The following ARMC2 variants were observed in gnomAD, a reference collection of about 807,000 sequenced individuals.
ARMC2 encodes the protein armadillo repeat containing 2.
In ARMC2, 67 loss-of-function variants were observed where a neutral mutation model predicts 90.3. The ratio of observed to expected loss-of-function variants is 0.74; its 90% CI spans 0.61 to 0.91. ARMC2 has a LOEUF of 0.91. Ranked by LOEUF, ARMC2 falls within the 40% of genes least tolerant of loss-of-function variation. The pLI is 0.00. For missense variants in ARMC2, 920 were observed against 1,030.9 expected, an observed-to-expected ratio of 0.89 and a Z score of 1.47; for synonymous variants, 393 against 393.0, an observed-to-expected ratio of 1.00 and a Z score of 0.00.
intron 12 of ARMC2, among the ~76,000 whole-genome samples, chr6:108,949,524 A>G (rs1022414312): frequency 2.0e-5 from 3 of 152,240 alleles, no homozygotes; most frequent in Admixed American, 2.0e-4. Flanking sequence ...ATCAAAGTTC[A>G]CACAAAAATT....
chr6:109,005,418 T>G, the ARMC2 span, among the ~76,000 whole-genome samples: 14,948 of 152,162 alleles, frequency 0.098, 897 homozygotes, highest in Middle Eastern at 0.19. Context: ...TACATTAGCA[T>G]CATGAAAGGT....
At chr6:109,002,475 AT>A in the ARMC2 span, 19 of 659,402 alleles carry the variant, frequency 2.9e-5, no homozygotes, top group Non-Finnish European at 3.8e-5. Flanking sequence ...TCATGGCTGT[AT>A]ATACATACCA....
At chr6:109,018,420 G>A in the ARMC2 span, among the ~76,000 whole-genome samples, 6 of 152,280 alleles carry the variant, frequency 3.9e-5, no homozygotes, top group East Asian at 1.9e-4. Flanking sequence ...AAATTAATGC[G>A]TGTCTACATC....
intron 3 of ARMC2, among the ~76,000 whole-genome samples, chr6:108,863,346 G>C (rs370823808): frequency 1.2e-4 from 19 of 152,276 alleles, no homozygotes; most frequent in African/African-American, 3.9e-4. Context: ...GCCTCCTAGA[G>C]TGCTGGGACT....
At chr6:108,907,477 T>TTTTTTTTTTTTTTTTTTTTTTTTTTTTA (rs58992504) in intron 8 of ARMC2, 1 of 330,244 alleles carries the variant, frequency 3.0e-6, no homozygotes, top group African/African-American at 2.5e-5. Context: ...TTTTTTTTTT[T>TTTTTTTTTTTTTTTTTTTTTTTTTTTTA]ACCAGTCATC....
chr6:108,961,795 G>A, intron 14 of ARMC2, 101 bp downstream of exon 14: 1 of 1,357,094 alleles, frequency 7.4e-7, no homozygotes, highest in East Asian at 2.3e-5. Context: ...TCTGCCTTCT[G>A]GTACAGAAAT....
At position 108,973,892 on chromosome 6, in the gene ARMC2, A is replaced by G. The variant is rs903197859; in HGVS notation, c.*378A>G. The G allele has an allele frequency of 6.2e-6, 1 of 161,648 alleles. No individual in the cohort carries two copies. The highest frequency in any genetic ancestry group is 1.4e-5 in the Non-Finnish European group (1 of 73,668). 10.0% of individuals were successfully genotyped at this position (161,648 alleles called of 1,614,324 possible). ...CAATGAAGGCTGTTAGATTATATAG[A>G]AAGAAGGGTAGGCAACATGAGTGGA... is the stretch of plus-strand genomic sequence containing the variant. On this transcript the variant is annotated 3_prime_UTR_variant, in exon 18 of 18. Coordinates refer to ENST00000392644, the MANE Select transcript of ARMC2 (RefSeq NM_032131.6).
At chr6:108,996,949 G>A in the ARMC2 span, among the ~76,000 whole-genome samples, 24 of 149,034 alleles carry the variant, frequency 1.6e-4, no homozygotes, top group South Asian at 3.1e-3. Context: ...AAAAGGCTAC[G>A]TACTGTATGA....
At chr6:108,953,429 G>A in intron 13 of ARMC2, 78 bp downstream of exon 13, 1 of 1,406,958 alleles carries the variant, frequency 7.1e-7, no homozygotes, top group Non-Finnish European at 9.4e-7. Flanking sequence ...TGTCTGTGGT[G>A]TGATGAGGAT....
At chr6:108,957,784 T>G (rs1266850541) in intron 13 of ARMC2, among the ~76,000 whole-genome samples, 2 of 152,150 alleles carry the variant, frequency 1.3e-5, no homozygotes, top group Non-Finnish European at 2.9e-5. Context: ...GACTCAGAGA[T>G]TTGCTGACTT....
intron 10 of ARMC2, 138 bp from the exon 11 acceptor site, chr6:108,927,950 C>T: frequency 6.1e-6 from 5 of 820,576 alleles, no homozygotes; most frequent in South Asian, 3.0e-5. Flanking sequence ...GCTCACATTC[C>T]CTGGTGGGAG....
chr6:109,000,533 C>A, the ARMC2 span: 1 of 1,610,570 alleles, frequency 6.2e-7, no homozygotes, highest in Non-Finnish European at 8.5e-7. Context: ...TATGGGCTAA[C>A]ACTTTGTTAA....
chr6:108,965,051 G>A lies in ARMC2; in HGVS notation c.2357G>A (p.Trp786Ter), dbSNP rs201757827. 6.2e-7 allele frequency: 1 copy of A among 1,613,646 alleles called. No individual in the cohort carries two copies. Among genetic ancestry groups the A allele is most frequent in the Non-Finnish European group, 8.5e-7 (1 of 1,179,640 alleles). Reference protein sequence around the residue: ...QLACLVCKTLWNFSENITNAS... With the variant: ...QLACLVCKTL ...GCCTGCTTGGTTTGTAAAACTTTAT[G>A]GAACTTCAGTGAAAACATCACTAAT... Residue 786 changes from tryptophan to a stop codon, truncating the protein, a stop_gained, in exon 17 of 18, where the codon TGG becomes TAG. Coordinates refer to ENST00000392644, the MANE Select transcript of ARMC2 (RefSeq NM_032131.6). LOFTEE classifies it high-confidence loss of function.
At chr6:108,899,870 C>T (rs905632745) in intron 7 of ARMC2, 78 bp downstream of exon 7, 50 of 1,038,692 alleles carry the variant, frequency 4.8e-5, no homozygotes, top group Non-Finnish European at 3.5e-5. Context: ...ATGTGTTCCC[C>T]ATTGCCCTGA....
intron 4 of ARMC2, among the ~76,000 whole-genome samples, chr6:108,873,352 G>A (rs1485835907): frequency 2.6e-5 from 4 of 152,044 alleles, no homozygotes; most frequent in Non-Finnish European, 2.9e-5. Context: ...TGGGGGTGGC[G>A]GGGGATGACA....
intron 4 of ARMC2, among the ~76,000 whole-genome samples, chr6:108,874,495 A>G (rs1776744817): frequency 6.6e-6 from 1 of 152,244 alleles, no homozygotes; most frequent in Admixed American, 6.5e-5. Context: ...TAGTAAAGTC[A>G]TTTAAGGTGG....
At chr6:108,990,074 G>T in the ARMC2 span, among the ~76,000 whole-genome samples, 2 of 152,220 alleles carry the variant, frequency 1.3e-5, no homozygotes, top group African/African-American at 4.8e-5. Flanking sequence ...AGCAAAAATA[G>T]TTAACTAGTA....
At chr6:108,937,113 A>G (rs2128492732) in intron 12 of ARMC2, 114 bp downstream of exon 12, 1 of 926,048 alleles carries the variant, frequency 1.1e-6, no homozygotes, top group South Asian at 1.8e-5. Flanking sequence ...AGAAACTTCC[A>G]TTAAATGTAT....
intron 11 of ARMC2, among the ~76,000 whole-genome samples, chr6:108,935,786 T>A (rs1034843110): frequency 1.3e-5 from 2 of 152,158 alleles, no homozygotes; most frequent in African/African-American, 4.8e-5. Flanking sequence ...TTACTCGTAT[T>A]TAAGTATTTC....
Sources: allele counts gnomAD v4.1 joint callset (sites outside exome capture counted in the v4.1 genomes callset), GRCh38; gene constraint gnomAD v4.1.1; transcripts MANE v1.5; gene names NCBI Gene and HGNC (gene_info 2026-07-23, HGNC 2026-07-21).